The following CNOT10 variants were observed in gnomAD, a reference collection of about 807,000 sequenced individuals.
CNOT10 encodes CCR4-NOT transcription complex, subunit 10.
CNOT10 carries 30 observed loss-of-function variants against 94.6 expected under a neutral mutation model. That is an observed-to-expected ratio of 0.32 (90% CI 0.24 to 0.43). The LOEUF is 0.43. CNOT10 is among the 20% of genes least tolerant of loss of function. The probability of loss-of-function intolerance (pLI) is 1.00; values close to 1 mark genes in which losing one functional copy is unlikely to be tolerated. For synonymous variants in CNOT10, 289 were observed against 301.6 expected, an observed-to-expected ratio of 0.96 and a Z score of 0.43; for missense variants, 759 against 877.2, an observed-to-expected ratio of 0.87 and a Z score of 1.70.
intron 1 of CNOT10, among the ~76,000 whole-genome samples, chr3:32,685,949 T>C (rs1696577766): frequency 6.6e-6 from 1 of 152,130 alleles, no homozygotes; most frequent in Admixed American, 6.6e-5. Flanking sequence ...CTTTTTTTTT[T>C]CTTGATAGAG....
chr3:32,758,069 T>C (rs962991599), intron 13 of CNOT10, among the ~76,000 whole-genome samples: 3 of 152,146 alleles, frequency 2.0e-5, no homozygotes, highest in African/African-American at 7.2e-5. Flanking sequence ...AGTGGTCTTG[T>C]GAGTTAATAA....
At chr3:32,695,714 G>C in intron 1 of CNOT10, 1 of 1,536,030 alleles carries the variant, frequency 6.5e-7, no homozygotes. Context: ...TTAGGCCAGA[G>C]TAGAAGGAAA....
chr3:32,742,197 C>G (rs1171783757), intron 13 of CNOT10, among the ~76,000 whole-genome samples: 1 of 151,996 alleles, frequency 6.6e-6, no homozygotes, highest in African/African-American at 2.4e-5. Context: ...ATCCACCGAC[C>G]CCGGCCTCCC....
At position 32,767,567 on chromosome 3, in the gene CNOT10, TTA is replaced by T. The variant is rs1700704671; in HGVS notation, c.2005-2318_2005-2317del. 2.0e-5 allele frequency among the ~76,000 whole-genome samples: 3 copies of T among 150,448 alleles called. No individual in the cohort carries two copies. In the South Asian group the frequency reaches 6.4e-4, roughly 32 times the overall value. ...ATGTGGCTTTCACATAGGTTCCTGC[TTA>T]TGTGAGCAGCCTTGTTGTGCCTAGA... On this transcript the variant is annotated intron_variant, in intron 17 of 18. Coordinates refer to ENST00000328834, the MANE Select transcript of CNOT10 (RefSeq NM_015442.3).
intron 17 of CNOT10, chr3:32,769,311 G>C (rs1292437320): frequency 2.6e-5 from 4 of 154,436 alleles, no homozygotes; most frequent in African/African-American, 9.7e-5. Context: ...GAGCAGTCCA[G>C]GCTTCCTTCT....
At position 32,716,129 on chromosome 3, in the gene CNOT10, C is replaced by T. The variant is rs564128664; in HGVS notation, c.574-96C>T. ...ACAAATTCTACATTTTGAAAATGCT[C>T]TCTAGGTAATTTAGATTAGCTCACT... On this transcript the variant is annotated intron_variant, in intron 5 of 18. Transcript: ENST00000328834. The T allele has an allele frequency of 4.4e-4, 269 of 613,830 alleles. 1 individual carries two copies. The African/African-American group carries it at 4.9e-3, about 11-fold the overall frequency. 38.0% of individuals were successfully genotyped at this position (613,830 alleles called of 1,614,324 possible).
rs532521626 is a variant in CNOT10 at position 32,724,637 on chromosome 3, C to A, written c.863-813C>A. On this transcript the variant is annotated intron_variant, in intron 8 of 18. Coordinates refer to ENST00000328834, the MANE Select transcript of CNOT10 (RefSeq NM_015442.3). Reference sequence around the variant, plus strand: ...CCATGTTAGCGAGGATGGTCTCCATCTCCTGACCTCGTGATCCGCCCACCT... The same window carrying A: ...CCATGTTAGCGAGGATGGTCTCCATATCCTGACCTCGTGATCCGCCCACCT... Among the ~76,000 whole-genome samples the A allele has an allele frequency of 5.3e-5, 8 of 152,274 alleles. No individual in the cohort carries two copies. In the South Asian group the frequency reaches 1.7e-3, roughly 32 times the overall value.
intron 13 of CNOT10, among the ~76,000 whole-genome samples, chr3:32,757,659 CCA>C (rs1700279630): frequency 6.6e-6 from 1 of 152,140 alleles, no homozygotes; most frequent in Non-Finnish European, 1.5e-5. Flanking sequence ...ACCAGTCTTG[CCA>C]CACAGACCTA....
At chr3:32,770,036 C>CCCA in intron 18 of CNOT10, 74 bp downstream of exon 18, 1 of 1,142,346 alleles carries the variant, frequency 8.8e-7, no homozygotes, top group Non-Finnish European at 1.3e-6. Context: ...GACAGGGTCT[C>CCCA]ACTGTGTTGC....
chr3:32,703,355 C>T (rs1047985775), intron 1 of CNOT10, among the ~76,000 whole-genome samples: 5 of 152,132 alleles, frequency 3.3e-5, no homozygotes, highest in Non-Finnish European at 7.3e-5. Context: ...ATTCAGGGTC[C>T]TCCGGTGGAT....
intron 13 of CNOT10, among the ~76,000 whole-genome samples, chr3:32,752,261 C>T (rs796216297): frequency 2.8e-4 from 42 of 152,014 alleles, no homozygotes; most frequent in African/African-American, 1.0e-3. Context: ...TGTACTCCAG[C>T]CTGGGCAACA....
chr3:32,738,470 T>TC (rs1370581988), intron 13 of CNOT10, among the ~76,000 whole-genome samples: 3 of 151,574 alleles, frequency 2.0e-5, no homozygotes, highest in African/African-American at 7.3e-5. Context: ...TATTTCTTTT[T>TC]TTTTTTTTTT....
intron 3 of CNOT10, among the ~76,000 whole-genome samples, chr3:32,706,712 C>T (rs1697641169): frequency 6.6e-6 from 1 of 152,240 alleles, no homozygotes; most frequent in Non-Finnish European, 1.5e-5. Context: ...AAAAGCTTTT[C>T]TGGCTAAACT....
intron 9 of CNOT10, among the ~76,000 whole-genome samples, chr3:32,727,417 C>T (rs1346545513): frequency 4.6e-5 from 7 of 152,086 alleles, no homozygotes; most frequent in Non-Finnish European, 1.0e-4. Flanking sequence ...CTTCCTGGAA[C>T]GTTGTTGCCT....
intron 13 of CNOT10, among the ~76,000 whole-genome samples, chr3:32,740,572 A>G (rs1699416212): frequency 2.0e-5 from 3 of 150,002 alleles, no homozygotes. Context: ...AATTTTTTTA[A>G]AATTTTGTGG....
chr3:32,701,815 CAG>C (rs1343588027), intron 1 of CNOT10, among the ~76,000 whole-genome samples: 1 of 152,124 alleles, frequency 6.6e-6, no homozygotes, highest in African/African-American at 2.4e-5. Flanking sequence ...TGTTTTTTGA[CAG>C]AGTCTCACTC....
At chr3:32,755,180 A>T (rs1700169442) in intron 13 of CNOT10, among the ~76,000 whole-genome samples, 1 of 151,386 alleles carries the variant, frequency 6.6e-6, no homozygotes, top group East Asian at 2.0e-4. Context: ...CGGGAAGTGG[A>T]GGTTGTGGTG....
chr3:32,733,317 T>C lies in CNOT10; in HGVS notation c.1216-106T>C. 4 of 903,358 alleles carry C rather than the reference T, an allele frequency of 4.4e-6. No homozygotes were observed. In the South Asian group the frequency reaches 9.4e-5, roughly 21 times the overall value. 56.0% of individuals were successfully genotyped at this position (903,358 alleles called of 1,614,324 possible). A position where few individuals can be genotyped will look rare whatever the true frequency, so the allele number is the denominator to read the frequency against. Reference sequence around the variant, plus strand: ...CACCAAAAAAAGTCCTCATTGACTTTAAGAACTTTCTTAAATTTAGAGTAA... The same window carrying C: ...CACCAAAAAAAGTCCTCATTGACTTCAAGAACTTTCTTAAATTTAGAGTAA... On this transcript the variant is annotated intron_variant, in intron 10 of 18. Coordinates refer to ENST00000328834, the MANE Select transcript of CNOT10 (RefSeq NM_015442.3).
intron 10 of CNOT10, chr3:32,730,792 T>G (rs1324563385): frequency 6.6e-6 from 1 of 152,226 alleles, no homozygotes; most frequent in Non-Finnish European, 1.5e-5. Context: ...TATTTCAGAC[T>G]TGGCAGAGGC....
Sources: gnomAD v4.1 joint callset for allele counts (sites outside exome capture counted in the v4.1 genomes callset) on GRCh38, gnomAD v4.1.1 for gene constraint, MANE v1.5 for transcripts, NCBI Gene and HGNC (gene_info 2026-07-23, HGNC 2026-07-21) for gene names.